Variants in CNTNAP2 observed in about 807,000 individuals in gnomAD.
CNTNAP2 encodes the protein contactin-associated protein-like 2.
Under a neutral mutation model 155.2 loss-of-function variants are expected in CNTNAP2, and 98 were observed. The ratio of observed to expected loss-of-function variants is 0.63; its 90% CI spans 0.54 to 0.75. The LOEUF (loss-of-function observed/expected upper bound fraction) is 0.75, where lower values mean the gene tolerates loss of function less well. CNTNAP2 is among the 30% of genes least tolerant of loss of function. CNTNAP2 has a pLI of 0.00. For synonymous variants in CNTNAP2, 651 were observed against 631.2 expected (o/e 1.03, Z -0.47); for missense variants, 1,727 against 1,688.1 (o/e 1.02, Z -0.40).
At chr7:148,275,669 G>A (rs983239804) in intron 21 of CNTNAP2, among the ~76,000 whole-genome samples, 2 of 152,198 alleles carry the variant, frequency 1.3e-5, no homozygotes, top group Non-Finnish European at 2.9e-5. Flanking sequence ...ACGAGCCAGG[G>A]GCTGAGTTCT....
At position 146,906,316 on chromosome 7, in the gene CNTNAP2, T is replaced by C. The variant is rs980264465; in HGVS notation, c.402+66412T>C. On this transcript the variant is annotated intron_variant, in intron 3 of 23. Transcript: ENST00000361727. ...GAGCCCACCACAGCTCAAGGAGGCC[T>C]GGCTGCCTCTGTAGGCTCCACCTCT... 8.8e-4 allele frequency among the ~76,000 whole-genome samples: 134 copies of C among 152,310 alleles called. 1 individual carries two copies. The highest frequency in any genetic ancestry group is 3.0e-3 in the African/African-American group (126 of 41,578).
intron 1 of CNTNAP2, among the ~76,000 whole-genome samples, chr7:146,576,584 A>G (rs1174637660): frequency 1.3e-5 from 2 of 152,082 alleles, no homozygotes; most frequent in African/African-American, 4.8e-5. Flanking sequence ...CAATTGTGAT[A>G]TTTTAGGCAG....
chr7:146,249,178 C>T (rs1255681711), intron 1 of CNTNAP2, among the ~76,000 whole-genome samples: 3 of 152,094 alleles, frequency 2.0e-5, no homozygotes, highest in Admixed American at 1.3e-4. Context: ...TGTGTACGTG[C>T]AGGTCACAGG....
chr7:147,642,340 T>C (rs2116929150), intron 13 of CNTNAP2, among the ~76,000 whole-genome samples: 1 of 152,274 alleles, frequency 6.6e-6, no homozygotes, highest in East Asian at 1.9e-4. Flanking sequence ...GCTCTGGTAA[T>C]TAAAAAACAC....
chr7:146,942,485 C>T (rs780591379), intron 3 of CNTNAP2, among the ~76,000 whole-genome samples: 50 of 152,076 alleles, frequency 3.3e-4, no homozygotes, highest in Middle Eastern at 3.4e-3. Context: ...GGCTGAAAAA[C>T]AGAAAATGTT....
chr7:146,515,470 GT>G (rs1330575711), intron 1 of CNTNAP2, among the ~76,000 whole-genome samples: 2 of 152,010 alleles, frequency 1.3e-5, no homozygotes, highest in Non-Finnish European at 2.9e-5. Flanking sequence ...TAAGTTTTGA[GT>G]TTTGGGATAT....
intron 13 of CNTNAP2, among the ~76,000 whole-genome samples, chr7:147,729,428 G>GCA (rs3053507): frequency 0.56 from 83,505 of 148,916 alleles, 26,119 homozygotes; most frequent in East Asian, 0.89. Context: ...ACACACACAC[G>GCA]CACACACACA....
chr7:147,583,007 G>A (rs1800537479), intron 12 of CNTNAP2, among the ~76,000 whole-genome samples: 2 of 152,074 alleles, frequency 1.3e-5, no homozygotes, highest in African/African-American at 4.8e-5. Flanking sequence ...CTATCAAGCA[G>A]ATTCCCAGGA....
intron 1 of CNTNAP2, among the ~76,000 whole-genome samples, chr7:146,167,545 T>A (rs1798329826): frequency 6.6e-6 from 1 of 152,172 alleles, no homozygotes; most frequent in African/African-American, 2.4e-5. Context: ...TTTAAGAATC[T>A]AAAAATGTGT....
In CNTNAP2 at chr7:146,949,857, CA is replaced by C. The variant is rs528181718; in HGVS notation, c.403-94047del. ...AGAGCCATGGTGAAGGATATGAGCACAAAGCTCTGTGGGTTTTGTTTTCCTT... is the reference window on the plus strand; with the variant it reads ...AGAGCCATGGTGAAGGATATGAGCACAAGCTCTGTGGGTTTTGTTTTCCTT... On this transcript the variant is annotated intron_variant, in intron 3 of 23. Coordinates refer to ENST00000361727, the MANE Select transcript of CNTNAP2 (RefSeq NM_014141.6). Among the ~76,000 whole-genome samples the C allele has an allele frequency of 3.9e-5, 6 of 152,262 alleles. No individual in the cohort carries two copies. In the East Asian group the frequency reaches 1.2e-3, roughly 29 times the overall value.
At chr7:146,218,000 T>C (rs1368697147) in intron 1 of CNTNAP2, among the ~76,000 whole-genome samples, 1 of 152,168 alleles carries the variant, frequency 6.6e-6, no homozygotes, top group Non-Finnish European at 1.5e-5. Context: ...GAACTTAAAA[T>C]ACATGTTTTT....
intron 13 of CNTNAP2, among the ~76,000 whole-genome samples, chr7:147,732,091 G>C (rs1796750111): frequency 6.6e-6 from 1 of 151,902 alleles, no homozygotes; most frequent in Non-Finnish European, 1.5e-5. Context: ...ACAGTGAGCA[G>C]GTTTGTTACA....
At chr7:147,710,889 G>C (rs1796392283) in intron 13 of CNTNAP2, among the ~76,000 whole-genome samples, 1 of 152,136 alleles carries the variant, frequency 6.6e-6, no homozygotes, top group South Asian at 2.1e-4. Context: ...TGCTTCTCTA[G>C]AGTGATGTTC....
chr7:148,236,963 C>T (rs1167619400), intron 20 of CNTNAP2, among the ~76,000 whole-genome samples: 1 of 152,234 alleles, frequency 6.6e-6, no homozygotes, highest in East Asian at 1.9e-4. Flanking sequence ...ATCCCATCAA[C>T]TCCCACCATG....
intron 15 of CNTNAP2, among the ~76,000 whole-genome samples, chr7:148,027,878 ACTCTTGACTTTGATGAT>A (rs1444690634): frequency 1.3e-5 from 2 of 152,084 alleles, no homozygotes; most frequent in Non-Finnish European, 2.9e-5. Context: ...AATTTCTGAA[ACTCTTGACTTTGATGAT>A]CGTAAAATGA....
intron 21 of CNTNAP2, among the ~76,000 whole-genome samples, chr7:148,314,929 T>C (rs1182722345): frequency 6.6e-6 from 1 of 152,148 alleles, no homozygotes; most frequent in African/African-American, 2.4e-5. Flanking sequence ...CCTTCGTCTC[T>C]ACCAGAAAAG....
intron 20 of CNTNAP2, among the ~76,000 whole-genome samples, chr7:148,236,187 A>G (rs969969751): frequency 2.6e-5 from 4 of 152,090 alleles, no homozygotes; most frequent in African/African-American, 7.2e-5. Flanking sequence ...CTAGACATCA[A>G]TCTTAGACTT....
At chr7:146,951,385 A>G (rs2129227943) in intron 3 of CNTNAP2, among the ~76,000 whole-genome samples, 1 of 152,256 alleles carries the variant, frequency 6.6e-6, no homozygotes, top group East Asian at 1.9e-4. Flanking sequence ...TATATTCTGA[A>G]TGGTATTGCC....
intron 8 of CNTNAP2, among the ~76,000 whole-genome samples, chr7:147,266,626 G>T (rs975485951): frequency 1.3e-5 from 2 of 152,128 alleles, no homozygotes; most frequent in Non-Finnish European, 2.9e-5. Flanking sequence ...CATAAAAAAT[G>T]ATTTTAAAAC....
Sources: gnomAD v4.1 joint callset for allele counts (sites outside exome capture counted in the v4.1 genomes callset) on GRCh38, gnomAD v4.1.1 for gene constraint, MANE v1.5 for transcripts, NCBI Gene and HGNC (gene_info 2026-07-23, HGNC 2026-07-21) for gene names.